Variants in PARD3B observed in about 807,000 individuals in gnomAD.
PARD3B encodes the protein par-3 family cell polarity regulator beta, also known as partitioning defective 3 homolog B.
PARD3B carries 103 observed loss-of-function variants against 130.2 expected under a neutral mutation model. That is an observed-to-expected ratio of 0.79 (90% CI 0.67 to 0.93). The LOEUF (loss-of-function observed/expected upper bound fraction) is 0.93. Among genes scored for constraint, PARD3B ranks in the 40% least tolerant of loss-of-function variants. The pLI is 0.00. For missense variants in PARD3B, 1,609 were observed against 1,499.2 expected (o/e 1.07, Z -1.21); for synonymous variants, 583 against 553.2 (o/e 1.05, Z -0.76).
At chr2:204,929,427 A>C (rs1015264926) in intron 2 of PARD3B, among the ~76,000 whole-genome samples, 1 of 152,158 alleles carries the variant, frequency 6.6e-6, no homozygotes, top group Non-Finnish European at 1.5e-5. Flanking sequence ...ACGTCTTAAC[A>C]TTACTATCTT....
At chr2:204,831,940 C>T (rs1277087072) in intron 2 of PARD3B, among the ~76,000 whole-genome samples, 1 of 152,058 alleles carries the variant, frequency 6.6e-6, no homozygotes, top group African/African-American at 2.4e-5. Context: ...ATTTTATTCA[C>T]CTTAAAAAAT....
intron 2 of PARD3B, among the ~76,000 whole-genome samples, chr2:204,871,100 C>A (rs910664090): frequency 6.6e-6 from 1 of 152,210 alleles, no homozygotes; most frequent in African/African-American, 2.4e-5. Flanking sequence ...GCAGTAATGA[C>A]TTTAGATGTT....
intron 15 of PARD3B, among the ~76,000 whole-genome samples, chr2:205,224,613 A>G (rs1295387818): frequency 8.0e-6 from 1 of 125,642 alleles, no homozygotes; most frequent in Non-Finnish European, 1.5e-5. Flanking sequence ...TCTATTCTCT[A>G]TCTCCATGAC....
rs974137565 is a variant in PARD3B at position 205,530,625 on chromosome 2, C to T, written c.3181-22699C>T. ...TTCCATCCTGAGGAGCTAGAGAATC[C>T]GAGATTCAGAGAGGGGCAAAATGTC... On this transcript the variant is annotated intron_variant, in intron 21 of 22. Coordinates refer to ENST00000406610, the MANE Select transcript of PARD3B (RefSeq NM_001302769.2). This position sits in a 1 kb window ranked among gnomAD's most constrained non-coding sequence, Gnocchi z 4.7. Among the ~76,000 whole-genome samples, 3 of 151,942 alleles carry T rather than the reference C, an allele frequency of 2.0e-5. No individual in the cohort carries two copies. The highest frequency in any genetic ancestry group is 7.3e-5 in the African/African-American group (3 of 41,288).
In PARD3B at chr2:204,675,939, C is replaced by T. The variant is rs576180363; in HGVS notation, c.121-10242C>T. Among the ~76,000 whole-genome samples, 188 of 151,680 alleles carry T rather than the reference C, an allele frequency of 1.2e-3. 1 individual carries two copies. The highest frequency in any genetic ancestry group is 4.4e-3 in the African/African-American group (183 of 41,374). On this transcript the variant is annotated intron_variant, in intron 1 of 22. Coordinates refer to ENST00000406610, the MANE Select transcript of PARD3B (RefSeq NM_001302769.2). The surrounding 1 kb of genome is among the most constrained non-coding windows in gnomAD (Gnocchi z 4.4). ...CATCAGAAGAAAACAACTATTAATA[C>T]CTTTTCTATGGCTTAACCTTTGTTA...
At chr2:204,636,489 TGC>T (rs1559198508) in intron 1 of PARD3B, among the ~76,000 whole-genome samples, 1 of 140,960 alleles carries the variant, frequency 7.1e-6, no homozygotes, top group Non-Finnish European at 1.6e-5. Context: ...TGTGTGTGTG[TGC>T]AGTTATTCTT....
intron 1 of PARD3B, among the ~76,000 whole-genome samples, chr2:204,651,652 A>G (rs1463532127): frequency 6.6e-6 from 1 of 152,148 alleles, no homozygotes; most frequent in Non-Finnish European, 1.5e-5. Context: ...TAGCTCCACT[A>G]TGCAGTGCCC....
chr2:205,200,306 A>G (rs1203636388), intron 15 of PARD3B, among the ~76,000 whole-genome samples: 1 of 152,180 alleles, frequency 6.6e-6, no homozygotes, highest in African/African-American at 2.4e-5. Context: ...TTTGATGAAG[A>G]TTGGATATAG....
chr2:204,985,975 C>T (rs1401267860), intron 3 of PARD3B, among the ~76,000 whole-genome samples: 1 of 151,856 alleles, frequency 6.6e-6, no homozygotes, highest in Non-Finnish European at 1.5e-5. Flanking sequence ...ATGGCAGGCG[C>T]CTGTAGCCCC....
At chr2:204,546,442 G>A (rs1340654155) in intron 1 of PARD3B, among the ~76,000 whole-genome samples, 1 of 152,172 alleles carries the variant, frequency 6.6e-6, no homozygotes, top group Non-Finnish European at 1.5e-5. Context: ...AATGCCCACT[G>A]AAGTTTGAGA....
intron 2 of PARD3B, among the ~76,000 whole-genome samples, chr2:204,903,580 A>G (rs2046943067): frequency 6.6e-6 from 1 of 152,150 alleles, no homozygotes; most frequent in African/African-American, 2.4e-5. Flanking sequence ...TGCAAGAGAA[A>G]CCTTCCTAAT....
chr2:204,648,224 T>G (rs977834879), intron 1 of PARD3B, among the ~76,000 whole-genome samples: 1 of 151,594 alleles, frequency 6.6e-6, no homozygotes, highest in Admixed American at 6.6e-5. Context: ...TTTAATCTCA[T>G]TTCTTTGTGA....
intron 3 of PARD3B, among the ~76,000 whole-genome samples, chr2:204,992,105 G>T (rs368025666): frequency 3.8e-3 from 571 of 151,582 alleles, no homozygotes; most frequent in Non-Finnish European, 5.4e-3. Flanking sequence ...GTCAATTTTG[G>T]CTTTTGTTGC....
At chr2:204,931,655 C>G (rs1435931190) in intron 2 of PARD3B, among the ~76,000 whole-genome samples, 1 of 151,410 alleles carries the variant, frequency 6.6e-6, no homozygotes, top group Non-Finnish European at 1.5e-5. Flanking sequence ...CAGCTTTTGA[C>G]ATTCTTTTAA....
At chr2:205,140,888 A>G (rs751780058) in intron 10 of PARD3B, among the ~76,000 whole-genome samples, 4 of 152,206 alleles carry the variant, frequency 2.6e-5, no homozygotes, top group African/African-American at 4.8e-5. Context: ...GCATCTGAAC[A>G]TACAGTCTTC....
At chr2:205,074,214 A>C (rs1027005958) in intron 4 of PARD3B, among the ~76,000 whole-genome samples, 5 of 152,236 alleles carry the variant, frequency 3.3e-5, no homozygotes, top group African/African-American at 1.2e-4. Context: ...TAATTTTGCT[A>C]ATCTTCAAAT....
rs576647658 is a variant in PARD3B at position 204,678,151 on chromosome 2, C to G, written c.121-8030C>G. Among the ~76,000 whole-genome samples the G allele has an allele frequency of 6.6e-6, 1 of 152,134 alleles. No individual in the cohort carries two copies. Among genetic ancestry groups the G allele is most frequent in the Non-Finnish European group, 1.5e-5 (1 of 68,034 alleles). ...CGATGAGGGGTGGCTCCTTTGCAGCCGAGCTCAAACCGCTTGTGGGAGGGG... is the reference window on the plus strand; with the variant it reads ...CGATGAGGGGTGGCTCCTTTGCAGCGGAGCTCAAACCGCTTGTGGGAGGGG... On this transcript the variant is annotated intron_variant, in intron 1 of 22. Coordinates refer to ENST00000406610, the MANE Select transcript of PARD3B (RefSeq NM_001302769.2). The surrounding 1 kb of genome is among the most constrained non-coding windows in gnomAD (Gnocchi z 4.2).
intron 19 of PARD3B, among the ~76,000 whole-genome samples, chr2:205,420,927 G>C (rs1488468411): frequency 6.6e-6 from 1 of 152,146 alleles, no homozygotes; most frequent in African/African-American, 2.4e-5. Context: ...CAGATCATAA[G>C]GTCAAGAGAT....
At chr2:204,771,422 C>G (rs918240733) in intron 2 of PARD3B, among the ~76,000 whole-genome samples, 13 of 151,960 alleles carry the variant, frequency 8.6e-5, no homozygotes, top group African/African-American at 2.7e-4. Flanking sequence ...ACTGAGAACA[C>G]TATGTTTTAA....
Sources: gnomAD v4.1 joint callset for allele counts (sites outside exome capture counted in the v4.1 genomes callset) on GRCh38, gnomAD v4.1.1 for gene constraint, Gnocchi (gnomAD v3.1) non-coding constraint, MANE v1.5 for transcripts, NCBI Gene and HGNC (gene_info 2026-07-23, HGNC 2026-07-21) for gene names.